The following GRK7 variants were observed in gnomAD, a reference collection of about 807,000 sequenced individuals.
GRK7 encodes the protein G protein-coupled receptor kinase 7.
A neutral mutation model predicts 34.1 loss-of-function variants in GRK7; 24 were observed. The ratio of observed to expected loss-of-function variants is 0.70; its 90% confidence interval spans 0.51 to 0.99. The LOEUF is 0.99. Ranked by LOEUF, GRK7 falls within the 50% of genes least tolerant of loss-of-function variation. The pLI is 0.00. For missense variants in GRK7, 644 were observed against 707.3 expected, an observed-to-expected ratio of 0.91 and a Z score of 1.02; for synonymous variants, 256 against 279.4, an observed-to-expected ratio of 0.92 and a Z score of 0.84.
intron 1 of GRK7, among the ~76,000 whole-genome samples, chr3:141,767,908 T>C (rs981154288): frequency 8.5e-5 from 13 of 152,214 alleles, no homozygotes; most frequent in African/African-American, 2.9e-4. Flanking sequence ...CTGGTCTGTT[T>C]TCTTCATGTA....
intron 3 of GRK7, 69 bp from the exon 4 acceptor site, chr3:141,780,305 T>C: frequency 7.5e-7 from 1 of 1,326,574 alleles, no homozygotes; most frequent in Non-Finnish European, 1.0e-6. Flanking sequence ...ACCTCCTCCT[T>C]TATCATCTCC....
rs1361789932 is a variant in GRK7, at chr3:141,780,814, G to T, written c.1050+3G>T. The T allele has an allele frequency of 2.5e-6, 4 of 1,609,030 alleles. No homozygotes were observed. The highest frequency in any genetic ancestry group is 2.5e-6 in the Non-Finnish European group (3 of 1,176,532). ...GTGGCAAGCCCATCACCCAGAGGGT[G>T]AGTGACTCTCCACCTGCCCCAAGTG... On this transcript the variant is annotated splice_donor_region_variant and intron_variant, in intron 4 of 5. Transcript: ENST00000682958.
intron 4 of GRK7, among the ~76,000 whole-genome samples, chr3:141,803,156 G>C (rs13084139): frequency 3.9e-5 from 6 of 151,944 alleles, no homozygotes; most frequent in Non-Finnish European, 5.9e-5. Context: ...GCTGGGCGCA[G>C]TGGCTCACGC....
At chr3:141,782,572 G>C (rs769080681) in intron 4 of GRK7, among the ~76,000 whole-genome samples, 1 of 152,144 alleles carries the variant, frequency 6.6e-6, no homozygotes, top group South Asian at 2.1e-4. Context: ...GGGAAGCAGA[G>C]GGCACTGCTG....
In GRK7 at chr3:141,812,013, C is replaced by A. The variant is rs1282998963; in HGVS notation, c.1325+4094C>A. Among the ~76,000 whole-genome samples, 75 of 152,160 alleles carry A rather than the reference C, an allele frequency of 4.9e-4. 2 individuals are homozygous for A. Among genetic ancestry groups the A allele is most frequent in the Admixed American group, 4.8e-3 (74 of 15,276 alleles). The stretch of plus-strand genomic sequence containing the variant: ...TTTTGCAGGTTTTATTCTGATCAGG[C>A]AGTGCAGCAGAACAACAGCAAATAA... On this transcript the variant is annotated intron_variant, in intron 5 of 5. Coordinates refer to ENST00000682958, the MANE Select transcript of GRK7 (RefSeq NM_139209.3).
At chr3:141,757,265 C>A in the GRK7 span, among the ~76,000 whole-genome samples, 1 of 151,468 alleles carries the variant, frequency 6.6e-6, no homozygotes, top group Non-Finnish European at 1.5e-5. Context: ...CGTCATGTAG[C>A]CTTAGGTATA....
Position 141,789,656 on chromosome 3 carries a change from C to CAAAAAAAAAAAAAA in GRK7, c.1050+8846_1050+8859dup, listed in dbSNP as rs60765509. 3.0e-4 allele frequency among the ~76,000 whole-genome samples: 36 copies of CAAAAAAAAAAAAAA among 119,234 alleles called. 1 individual carries two copies. The highest frequency in any genetic ancestry group is 4.4e-3 in the Middle Eastern group (1 of 226). 78.2% of individuals were successfully genotyped at this position (119,234 alleles called of 152,430 possible). On this transcript the variant is annotated intron_variant, in intron 4 of 5. Transcript: ENST00000682958. ...AGATGGGGACTGGATGCCAAATGGG[C>CAAAAAAAAAAAAAA]AAAAAAAAAAAAAACACAAAACAGT... is the stretch of plus-strand genomic sequence containing the variant.
Position 141,765,607 on chromosome 3 carries a change from C to T in GRK7, c.-346C>T, listed in dbSNP as rs2084577192. Reference sequence around the variant, plus strand: ...CTGCCTTCACCCTTTTGGAAAACTGCTCTGAGGCCATCATGCTTTGAGGAA... The same window carrying T: ...CTGCCTTCACCCTTTTGGAAAACTGTTCTGAGGCCATCATGCTTTGAGGAA... On this transcript the variant is annotated 5_prime_UTR_variant, in exon 1 of 6. Coordinates refer to ENST00000682958, the MANE Select transcript of GRK7 (RefSeq NM_139209.3). 6.6e-6 allele frequency among the ~76,000 whole-genome samples: 1 copy of T among 152,068 alleles called. No individual in the cohort carries two copies. The highest frequency in any genetic ancestry group is 6.5e-5 in the Admixed American group (1 of 15,268).
upstream of GRK7, among the ~76,000 whole-genome samples, chr3:141,763,156 A>C (rs1232730433): frequency 6.6e-6 from 1 of 151,862 alleles, no homozygotes; most frequent in Non-Finnish European, 1.5e-5. Context: ...CCTCCTCCAG[A>C]TCTTCTTAAG....
At chr3:141,804,322 T>C (rs975090685) in intron 4 of GRK7, among the ~76,000 whole-genome samples, 2 of 152,052 alleles carry the variant, frequency 1.3e-5, no homozygotes, top group African/African-American at 2.4e-5. Context: ...TAGATTCTGC[T>C]ACCTTAGCAT....
intron 5 of GRK7, among the ~76,000 whole-genome samples, chr3:141,815,214 C>A (rs1577929851): frequency 6.8e-6 from 1 of 146,286 alleles, no homozygotes; most frequent in East Asian, 2.0e-4. Flanking sequence ...CATGAGCCAC[C>A]ATGTCTGGTT....
intron 1 of GRK7, among the ~76,000 whole-genome samples, chr3:141,767,367 T>C (rs2084593982): frequency 6.6e-6 from 1 of 152,068 alleles, no homozygotes; most frequent in South Asian, 2.1e-4. Flanking sequence ...GCAAGCCTTA[T>C]AACTAAAAAT....
At chr3:141,751,155 GC>G in the GRK7 span, among the ~76,000 whole-genome samples, 1 of 152,160 alleles carries the variant, frequency 6.6e-6, no homozygotes. Flanking sequence ...TTTTATCTGA[GC>G]CTCTAAGGAG....
chr3:141,794,522 G>A (rs772836745), intron 4 of GRK7, among the ~76,000 whole-genome samples: 8 of 152,254 alleles, frequency 5.3e-5, no homozygotes, highest in Non-Finnish European at 8.8e-5. Context: ...GGGGCCAGAC[G>A]GAACCTGGCA....
chr3:141,783,981 T>C (rs942352292), intron 4 of GRK7, among the ~76,000 whole-genome samples: 26 of 152,292 alleles, frequency 1.7e-4, no homozygotes, highest in Admixed American at 6.5e-4. Context: ...ACTTCACAGT[T>C]TGGCATTTGT....
Position 141,816,994 on chromosome 3 carries a change from C to A in GRK7, c.1606C>A (p.Pro536Thr). The A allele has an allele frequency of 1.2e-6, 2 of 1,613,446 alleles. No homozygotes were observed. Among genetic ancestry groups the A allele is most frequent in the Non-Finnish European group, 1.7e-6 (2 of 1,179,904 alleles). The change falls in exon 6 of 6, where the codon CCT becomes ACT. Residue 536 changes from proline to threonine, a missense_variant. Coordinates refer to ENST00000682958, the MANE Select transcript of GRK7 (RefSeq NM_139209.3). The part of the protein sequence containing the change: ...LFEELNDPNR[P>T]TGCEEGNSSK... ...TGAGGAACTGAATGACCCCAACAGACCTACGGGTTGTGAGGAGGGTAATTC... is the reference window on the plus strand; with the variant it reads ...TGAGGAACTGAATGACCCCAACAGAACTACGGGTTGTGAGGAGGGTAATTC...
chr3:141,787,600 G>A (rs1257327653), intron 4 of GRK7, among the ~76,000 whole-genome samples: 1 of 149,320 alleles, frequency 6.7e-6, no homozygotes, highest in Non-Finnish European at 1.5e-5. Context: ...ACTCCAGCCT[G>A]GGCAACAAAG....
chr3:141,755,798 A>G, the GRK7 span, among the ~76,000 whole-genome samples: 7 of 152,188 alleles, frequency 4.6e-5, no homozygotes, highest in Non-Finnish European at 1.0e-4. Context: ...TTAAATATAT[A>G]CTTACCCTAT....
At chr3:141,809,797 G>T (rs952528264) in intron 5 of GRK7, among the ~76,000 whole-genome samples, 3 of 152,032 alleles carry the variant, frequency 2.0e-5, no homozygotes, top group African/African-American at 7.2e-5. Context: ...AAAATCAAGA[G>T]CTTTAGATTC....
Sources: gnomAD v4.1 joint callset for allele counts (sites outside exome capture counted in the v4.1 genomes callset) on GRCh38, gnomAD v4.1.1 for gene constraint, MANE v1.5 for transcripts, NCBI Gene and HGNC (gene_info 2026-07-23, HGNC 2026-07-21) for gene names.